The following CWC27 variants were observed in gnomAD, a reference collection of about 807,000 sequenced individuals.
CWC27 encodes spliceosome-associated protein CWC27 homolog.
A neutral mutation model predicts 63.6 loss-of-function variants in CWC27; 47 were observed. The observed-to-expected ratio is 0.74, with a 90% confidence interval of 0.58 to 0.94. CWC27 has a LOEUF of 0.94. Among genes scored for constraint, CWC27 ranks in the 40% least tolerant of loss-of-function variants. CWC27 has a pLI of 0.00. For synonymous variants in CWC27, 175 were observed against 179.8 expected (o/e 0.97, Z 0.22); for missense variants, 495 against 554.3 (o/e 0.89, Z 1.07).
intron 13 of CWC27, among the ~76,000 whole-genome samples, chr5:64,981,024 G>A (rs1749324042): frequency 6.6e-6 from 1 of 152,200 alleles, no homozygotes; most frequent in South Asian, 2.1e-4. Context: ...CCTGAAAGGT[G>A]GAGGTTGCAG....
At chr5:64,971,175 C>G (rs1749119024) in intron 11 of CWC27, among the ~76,000 whole-genome samples, 1 of 152,076 alleles carries the variant, frequency 6.6e-6, no homozygotes, top group African/African-American at 2.4e-5. Context: ...TTTCTAATTT[C>G]TAATTCAGTA....
At chr5:64,780,161 A>G (rs565054055) in intron 2 of CWC27, among the ~76,000 whole-genome samples, 1 of 152,248 alleles carries the variant, frequency 6.6e-6, no homozygotes, top group South Asian at 2.1e-4. Context: ...GTCAGACAAT[A>G]TGTGACTTTG....
At chr5:64,771,251 C>A (rs1423530) in intron 1 of CWC27, among the ~76,000 whole-genome samples, 71,090 of 152,062 alleles carry the variant, frequency 0.47, 18,972 homozygotes, top group East Asian at 0.85. Context: ...ATTTGAAGCA[C>A]ATGTAATAAG....
intron 10 of CWC27, among the ~76,000 whole-genome samples, chr5:64,812,659 A>G (rs993552777): frequency 6.6e-6 from 1 of 152,062 alleles, no homozygotes; most frequent in Non-Finnish European, 1.5e-5. Context: ...TTATTTTTGT[A>G]TATTTTTTCC....
chr5:64,832,499 A>G (rs1745550620), intron 10 of CWC27, among the ~76,000 whole-genome samples: 1 of 151,752 alleles, frequency 6.6e-6, no homozygotes. Flanking sequence ...CGAGTATACC[A>G]TAAAGAAAAC....
chr5:64,980,034 G>T (rs559736120), intron 13 of CWC27, among the ~76,000 whole-genome samples: 5 of 151,390 alleles, frequency 3.3e-5, no homozygotes, highest in Non-Finnish European at 1.5e-5. Context: ...TAAACAGTGC[G>T]TATGGTGTTT....
intron 11 of CWC27, among the ~76,000 whole-genome samples, chr5:64,950,255 T>C (rs951535638): frequency 6.6e-6 from 1 of 151,996 alleles, no homozygotes; most frequent in Non-Finnish European, 1.5e-5. Context: ...TAAACTATTA[T>C]ATAAATTGTA....
chr5:64,855,534 A>G (rs969967853), intron 10 of CWC27, among the ~76,000 whole-genome samples: 1 of 152,172 alleles, frequency 6.6e-6, no homozygotes, highest in Non-Finnish European at 1.5e-5. Context: ...TCCTTTACCT[A>G]TGAATCAAAA....
intron 13 of CWC27, among the ~76,000 whole-genome samples, chr5:64,993,405 A>G (rs1270388536): frequency 1.3e-5 from 2 of 152,218 alleles, no homozygotes; most frequent in African/African-American, 2.4e-5. Flanking sequence ...GAAGGAATGT[A>G]GACATATTCA....
chr5:64,867,014 G>A (rs1224289666), intron 10 of CWC27, among the ~76,000 whole-genome samples: 2 of 151,986 alleles, frequency 1.3e-5, no homozygotes, highest in Non-Finnish European at 2.9e-5. Context: ...ACACACCTGA[G>A]GATTATGGAT....
intron 11 of CWC27, among the ~76,000 whole-genome samples, chr5:64,943,661 T>G (rs1748534466): frequency 6.6e-6 from 1 of 152,186 alleles, no homozygotes; most frequent in Non-Finnish European, 1.5e-5. Flanking sequence ...CCATGAACCT[T>G]ACATTCTACC....
intron 10 of CWC27, among the ~76,000 whole-genome samples, chr5:64,853,902 T>A (rs945857740): frequency 1.3e-5 from 2 of 152,236 alleles, no homozygotes; most frequent in African/African-American, 4.8e-5. Context: ...CACATTGTTG[T>A]GCAACCAAAC....
intron 13 of CWC27, among the ~76,000 whole-genome samples, chr5:65,015,474 C>T (rs1379742541): frequency 6.6e-6 from 1 of 152,174 alleles, no homozygotes; most frequent in African/African-American, 2.4e-5. Context: ...GCTTAGACAT[C>T]AACACAGCCA....
intron 11 of CWC27, among the ~76,000 whole-genome samples, chr5:64,918,436 TA>T (rs952293519): frequency 2.0e-5 from 3 of 151,214 alleles, no homozygotes; most frequent in African/African-American, 4.9e-5. Context: ...TTGCCACAAA[TA>T]AAAAAAAACT....
At chr5:64,972,365 G>C (rs924050789) in intron 12 of CWC27, among the ~76,000 whole-genome samples, 4 of 152,098 alleles carry the variant, frequency 2.6e-5, no homozygotes, top group Non-Finnish European at 4.4e-5. Flanking sequence ...AACAATTTGG[G>C]AGTCAGCACT....
intron 11 of CWC27, among the ~76,000 whole-genome samples, chr5:64,891,318 T>TA (rs572419581): frequency 1.7e-3 from 261 of 152,250 alleles, no homozygotes; most frequent in Admixed American, 3.9e-3. Flanking sequence ...CCTGGAAAAA[T>TA]AGAGCTTTAT....
At chr5:64,780,699 G>GCACA (rs143721735) in intron 2 of CWC27, among the ~76,000 whole-genome samples, 2,529 of 148,128 alleles carry the variant, frequency 0.017, 68 homozygotes, top group African/African-American at 0.054. Context: ...GCACACGCGC[G>GCACA]CACACACACA....
At chr5:64,791,027 G>A (rs977121812) in intron 7 of CWC27, among the ~76,000 whole-genome samples, 5 of 152,052 alleles carry the variant, frequency 3.3e-5, no homozygotes, top group Admixed American at 2.6e-4. Context: ...CGTCTCAAAG[G>A]TTGGTGAGAA....
chr5:64,785,056 A>G (rs749598196), intron 4 of CWC27, among the ~76,000 whole-genome samples: 5 of 152,328 alleles, frequency 3.3e-5, no homozygotes, highest in Non-Finnish European at 5.9e-5. Flanking sequence ...TATCTGTAGA[A>G]GGATAATATT....
Sources: allele counts gnomAD v4.1 joint callset (sites outside exome capture counted in the v4.1 genomes callset), GRCh38; gene constraint gnomAD v4.1.1; transcripts MANE v1.5; gene names NCBI Gene and HGNC (gene_info 2026-07-23, HGNC 2026-07-21).